MYH10: variants seen among roughly 807,000 people sequenced by gnomAD.
MYH10 encodes the protein myosin-10.
In MYH10, 55 loss-of-function variants were observed where a neutral mutation model predicts 257.8. The ratio of observed to expected loss-of-function variants is 0.21; its 90% CI spans 0.17 to 0.27. The LOEUF (loss-of-function observed/expected upper bound fraction) is 0.27, where lower values mean the gene tolerates loss of function less well. MYH10 is among the 10% of genes least tolerant of loss of function. The probability of loss-of-function intolerance (pLI) is 1.00; values close to 1 mark genes in which losing one functional copy is unlikely to be tolerated. For missense variants in MYH10, 1,631 were observed against 2,500.6 expected (o/e 0.65, Z 7.42); for synonymous variants, 854 against 921.7 (o/e 0.93, Z 1.33).
At chr17:8,592,482 A>G (rs1312195953) in intron 3 of MYH10, among the ~76,000 whole-genome samples, 1 of 152,128 alleles carries the variant, frequency 6.6e-6, no homozygotes, top group Non-Finnish European at 1.5e-5. Context: ...TTAAGAACCC[A>G]TGGATATTGA....
chr17:8,570,263 C>T (rs1180477849), intron 6 of MYH10, among the ~76,000 whole-genome samples: 2 of 152,186 alleles, frequency 1.3e-5, no homozygotes, highest in East Asian at 3.9e-4. Context: ...TCCAGTTTTC[C>T]AAGGAGTTTC....
At position 8,504,841 on chromosome 17, in the gene MYH10, A is replaced by T. The variant is rs561418474; in HGVS notation, c.3452T>A (p.Ile1151Asn). Residue 1151 changes from isoleucine to asparagine, a missense_variant, in exon 28 of 43, where the codon ATT (isoleucine) becomes AAT (asparagine). Physicochemically the swap from Ile to Asn is moderately radical, Grantham distance 149. Around this residue, in one of 11 missense-constraint regions of MYH10, gnomAD observed 169 missense variants for 249.8 expected, o/e 0.68. Coordinates refer to ENST00000360416, the MANE Select transcript of MYH10 (RefSeq NM_001256012.3). The surrounding 1 kb of genome is among the most constrained non-coding windows in gnomAD (Gnocchi z 5.6). ...TTCAAAGTCTTCCTGAAGTTCAGCAATTTGGGCTTGTAGCTCTCGCACAAC... is the reference window on the plus strand; with the variant it reads ...TTCAAAGTCTTCCTGAAGTTCAGCATTTTGGGCTTGTAGCTCTCGCACAAC... ...LKVVRELQAQ[I>N]AELQEDFESE... 1.2e-6 allele frequency: 2 copies of T among 1,614,128 alleles called. No homozygotes were observed. The highest frequency in any genetic ancestry group is 2.2e-5 in the South Asian group (2 of 91,088).
chr17:8,495,900 G>A (rs150532826), intron 30 of MYH10, among the ~76,000 whole-genome samples: 108 of 152,068 alleles, frequency 7.1e-4, no homozygotes, highest in African/African-American at 2.2e-3. Flanking sequence ...TAGTAGAGAC[G>A]GGGTTTCACC....
At chr17:8,524,816 C>T (rs1252121344) in intron 17 of MYH10, among the ~76,000 whole-genome samples, 6 of 152,218 alleles carry the variant, frequency 3.9e-5, no homozygotes, top group African/African-American at 1.2e-4. Context: ...GTTTCTCCCA[C>T]AGCCTGTCGG....
chr17:8,498,330 T>C (rs1428916517), intron 30 of MYH10, among the ~76,000 whole-genome samples: 19 of 152,052 alleles, frequency 1.2e-4, no homozygotes, highest in Non-Finnish European at 2.8e-4. Flanking sequence ...TCAGAAGATT[T>C]TGGTATCTGC....
intron 4 of MYH10, 41 bp downstream of exon 4, chr17:8,589,014 GACAAAAATAGTTGCTCCACTTTCCAA>G: frequency 1.3e-6 from 2 of 1,505,136 alleles, no homozygotes. Flanking sequence ...CCTCCCCCCA[GACAAAAATAGTTGCTCCACTTTCCAA>G]GAAAATCAAA....
At chr17:8,592,705 A>G (rs1597916858) in intron 3 of MYH10, among the ~76,000 whole-genome samples, 1 of 149,862 alleles carries the variant, frequency 6.7e-6, no homozygotes, top group South Asian at 2.1e-4. Context: ...TCTCCAAAAC[A>G]GGTAGGGAAT....
Position 8,475,702 on chromosome 17 carries a change from C to G in MYH10, c.*102G>C, listed in dbSNP as rs995887513. On this transcript the variant is annotated 3_prime_UTR_variant, in exon 43 of 43. Coordinates refer to ENST00000360416, the MANE Select transcript of MYH10 (RefSeq NM_001256012.3). ...GAGCCTTAAGACACAGTTGATCTTT[C>G]AGGAAGGAATCCCGTAGCTTGCCAA... The G allele has an allele frequency of 4.3e-6, 6 of 1,381,644 alleles. No homozygotes were observed. The highest frequency in any genetic ancestry group is 1.4e-5 in the African/African-American group (1 of 69,616). 85.6% of individuals were successfully genotyped at this position (1,381,644 alleles called of 1,614,324 possible).
chr17:8,524,154 A>G (rs566822177), intron 17 of MYH10, among the ~76,000 whole-genome samples: 1 of 152,200 alleles, frequency 6.6e-6, no homozygotes, highest in Non-Finnish European at 1.5e-5. Context: ...TTAAAGAGCA[A>G]TGAAGGCCAG....
intron 1 of MYH10, among the ~76,000 whole-genome samples, chr17:8,627,745 TAAAA>T (rs1373180962): frequency 6.6e-6 from 1 of 152,238 alleles, no homozygotes; most frequent in Non-Finnish European, 1.5e-5. Flanking sequence ...CTATGATTTT[TAAAA>T]CAGCAGATAC....
At chr17:8,600,403 A>C (rs977053922) in intron 3 of MYH10, among the ~76,000 whole-genome samples, 2 of 152,178 alleles carry the variant, frequency 1.3e-5, no homozygotes, top group Non-Finnish European at 2.9e-5. Context: ...TCTCCTAAGA[A>C]GTCCAATCTT....
At chr17:8,478,908 T>A (rs539386107) in intron 40 of MYH10, among the ~76,000 whole-genome samples, 19 of 152,318 alleles carry the variant, frequency 1.2e-4, no homozygotes, top group Non-Finnish European at 2.2e-4. Flanking sequence ...ATTTGTGTAT[T>A]TTTAGCAGAG....
intron 6 of MYH10, among the ~76,000 whole-genome samples, chr17:8,574,459 T>C (rs1174575382): frequency 6.6e-6 from 1 of 152,218 alleles, no homozygotes; most frequent in Non-Finnish European, 1.5e-5. Context: ...TGATAATAAT[T>C]GCATAAAGTG....
chr17:8,572,495 A>C (rs1469160914), intron 6 of MYH10, among the ~76,000 whole-genome samples: 1 of 152,184 alleles, frequency 6.6e-6, no homozygotes, highest in African/African-American at 2.4e-5. Flanking sequence ...AAAATTATGC[A>C]CAAACCTTTT....
At chr17:8,481,502 C>CTG in intron 37 of MYH10, 92 bp from the exon 38 acceptor site, 1 of 1,114,846 alleles carries the variant, frequency 9.0e-7, no homozygotes, top group Non-Finnish European at 1.3e-6. Flanking sequence ...GACCTTGCTC[C>CTG]TGTCACTGTT....
At chr17:8,565,543 A>G (rs1289232095) in intron 7 of MYH10, among the ~76,000 whole-genome samples, 1 of 152,264 alleles carries the variant, frequency 6.6e-6, no homozygotes, top group East Asian at 1.9e-4. Flanking sequence ...ATTAAAGCCC[A>G]AAGTAAACAA....
At chr17:8,478,266 G>T in intron 41 of MYH10, 72 bp downstream of exon 41, 2 of 1,316,080 alleles carry the variant, frequency 1.5e-6, no homozygotes, top group Non-Finnish European at 1.1e-6. Context: ...CCACTGGTCA[G>T]TTGTGCCACC....
rs1391176077 is a variant in MYH10, at chr17:8,535,827, G to A, written c.1710C>T (p.His570=). The change falls in exon 15 of 43, where the codon CAC becomes CAT. Residue 570 remains histidine, a synonymous_variant. Transcript: ENST00000360416. The surrounding 1 kb of genome is among the most constrained non-coding windows in gnomAD (Gnocchi z 4.3). ...ATTGTCGAGGTTTCTGAAACTTGGA[G>A]TGGGAACCTTGCTCTTGAACCAGTT... ...VEKLVQEQGS[H]SKFQKPRQLK... is the part of the protein sequence containing the mutation. 1 of 1,614,160 alleles carries A rather than the reference G, an allele frequency of 6.2e-7. No homozygotes were observed. Among genetic ancestry groups the A allele is most frequent in the Middle Eastern group, 1.6e-4 (1 of 6,062 alleles).
At chr17:8,560,776 T>C (rs575604242) in intron 7 of MYH10, 7 of 602,528 alleles carry the variant, frequency 1.2e-5, no homozygotes, top group Non-Finnish European at 1.9e-5. Flanking sequence ...CCATGGCAAA[T>C]GCTGGCCCGA....
Sources: allele counts gnomAD v4.1 joint callset (sites outside exome capture counted in the v4.1 genomes callset), GRCh38; gene constraint gnomAD v4.1.1; regional missense constraint gnomAD v4.1.1; non-coding constraint Gnocchi (gnomAD v3.1); transcripts MANE v1.5; gene names NCBI Gene and HGNC (gene_info 2026-07-23, HGNC 2026-07-21).